Variants in SUCLG2 observed in about 807,000 individuals in gnomAD.
The protein encoded by SUCLG2 is succinate-CoA ligase GDP-forming subunit beta.
In SUCLG2, 42 loss-of-function variants were observed where a neutral mutation model predicts 47.9. The ratio of observed to expected loss-of-function variants is 0.88; its 90% confidence interval spans 0.69 to 1.14. The LOEUF (loss-of-function observed/expected upper bound fraction) is 1.14. SUCLG2 is among the 50% of genes most tolerant of loss of function. The pLI, the probability that SUCLG2 is intolerant of heterozygous loss-of-function variation, is 0.00. For synonymous variants in SUCLG2, 195 were observed against 197.3 expected (o/e 0.99, Z 0.10); for missense variants, 571 against 525.9 (o/e 1.09, Z -0.84).
chr3:67,489,543 C>T (rs1705152220), intron 9 of SUCLG2, among the ~76,000 whole-genome samples: 1 of 152,124 alleles, frequency 6.6e-6, no homozygotes, highest in South Asian at 2.1e-4. Context: ...GAAAAAAATA[C>T]ATATTTTCAA....
chr3:67,490,107 G>A (rs1705168692), intron 9 of SUCLG2, among the ~76,000 whole-genome samples: 1 of 152,128 alleles, frequency 6.6e-6, no homozygotes, highest in Admixed American at 6.6e-5. Context: ...GTTTGGAGCT[G>A]CTCAATCCGT....
At chr3:67,597,190 G>A (rs1404905918) in intron 2 of SUCLG2, among the ~76,000 whole-genome samples, 1 of 152,180 alleles carries the variant, frequency 6.6e-6, no homozygotes, top group South Asian at 2.1e-4. Context: ...TGGACATAAG[G>A]CTGGCAACAG....
At position 67,629,394 on chromosome 3, in the gene SUCLG2, G is replaced by A. The variant is rs566892083; in HGVS notation, c.85-19798C>T. On this transcript the variant is annotated intron_variant, in intron 1 of 10. Coordinates refer to ENST00000307227, the MANE Select transcript of SUCLG2 (RefSeq NM_003848.4). ...ACTGCTCAGGTTCAATAAGTCACTA[G>A]AACAACTCACAGAACTCTAGAGAAT... Among the ~76,000 whole-genome samples the A allele has an allele frequency of 1.0e-3, 156 of 152,200 alleles. 1 individual carries two copies. Among genetic ancestry groups the A allele is most frequent in the Non-Finnish European group, 8.4e-4 (57 of 68,014 alleles).
chr3:67,574,794 A>G (rs1707701422), intron 2 of SUCLG2, among the ~76,000 whole-genome samples: 1 of 152,330 alleles, frequency 6.6e-6, no homozygotes, highest in Non-Finnish European at 1.5e-5. Flanking sequence ...GGGAAAAAGT[A>G]TTTGCAAAAT....
chr3:67,381,460 A>G (rs1045853806), intron 10 of SUCLG2, among the ~76,000 whole-genome samples: 5 of 152,222 alleles, frequency 3.3e-5, no homozygotes, highest in African/African-American at 1.2e-4. Flanking sequence ...AAACTCTGAC[A>G]TGGAATTAAG....
chr3:67,487,497 T>C lies in SUCLG2; in HGVS notation c.1062+8301A>G, dbSNP rs201263866. 7.3e-5 allele frequency among the ~76,000 whole-genome samples: 4 copies of C among 55,074 alleles called. No homozygotes were observed. The South Asian group carries it at 2.8e-3, about 38-fold the overall frequency. The allele number at this position is 55,074 out of a possible 152,430, so 36.1% of individuals were successfully genotyped here. ...CCATTCCCTTGATCTCAAACACACA[T>C]ATACACACACACACACACACAAACA... On this transcript the variant is annotated intron_variant, in intron 9 of 10. Coordinates refer to ENST00000307227, the MANE Select transcript of SUCLG2 (RefSeq NM_003848.4).
At chr3:67,644,989 T>A (rs555048156) in intron 1 of SUCLG2, among the ~76,000 whole-genome samples, 1 of 152,028 alleles carries the variant, frequency 6.6e-6, no homozygotes, top group Non-Finnish European at 1.5e-5. Context: ...CAGGAGGAAA[T>A]AGATTCATCC....
chr3:67,471,705 G>T (rs1021731020), intron 9 of SUCLG2, among the ~76,000 whole-genome samples: 5 of 146,866 alleles, frequency 3.4e-5, no homozygotes, highest in African/African-American at 1.3e-4. Context: ...GGAGAACCTT[G>T]GTCTGTGTTA....
chr3:67,624,830 G>A (rs1261037423), intron 1 of SUCLG2, among the ~76,000 whole-genome samples: 4 of 152,120 alleles, frequency 2.6e-5, no homozygotes, highest in African/African-American at 9.7e-5. Flanking sequence ...CAGAATGCAC[G>A]GTAGTCAAAT....
At chr3:67,489,600 T>C (rs755651285) in intron 9 of SUCLG2, among the ~76,000 whole-genome samples, 50 of 152,224 alleles carry the variant, frequency 3.3e-4, no homozygotes, top group Non-Finnish European at 6.5e-4. Context: ...TCAAAAATAA[T>C]GCTTGTGTTG....
At chr3:67,540,318 G>A (rs559609523) in intron 2 of SUCLG2, among the ~76,000 whole-genome samples, 15 of 151,934 alleles carry the variant, frequency 9.9e-5, no homozygotes, top group African/African-American at 2.7e-4. Flanking sequence ...AATTCACACC[G>A]CCAGCACATC....
intron 9 of SUCLG2, among the ~76,000 whole-genome samples, chr3:67,460,654 CT>C (rs1231160086): frequency 6.6e-6 from 1 of 152,146 alleles, no homozygotes; most frequent in African/African-American, 2.4e-5. Flanking sequence ...CTTTAATTCA[CT>C]GTAATATTGA....
intron 9 of SUCLG2, among the ~76,000 whole-genome samples, chr3:67,487,066 C>T (rs1050414802): frequency 7.9e-5 from 12 of 152,060 alleles, no homozygotes; most frequent in Admixed American, 3.3e-4. Context: ...CAGTGAAATT[C>T]CTCCAACACT....
chr3:67,444,059 T>G (rs1479357934), intron 9 of SUCLG2, among the ~76,000 whole-genome samples: 3 of 79,900 alleles, frequency 3.8e-5, no homozygotes, highest in African/African-American at 4.3e-5. Flanking sequence ...GGGAGGGAGG[T>G]GGAGGGGTCA....
intron 2 of SUCLG2, among the ~76,000 whole-genome samples, chr3:67,582,963 C>T (rs151102217): frequency 6.6e-6 from 1 of 152,310 alleles, no homozygotes; most frequent in East Asian, 1.9e-4. Context: ...TTCCATCAAA[C>T]TTCCATCACC....
At chr3:67,619,467 T>C (rs1700691925) in intron 1 of SUCLG2, among the ~76,000 whole-genome samples, 1 of 152,144 alleles carries the variant, frequency 6.6e-6, no homozygotes, top group African/African-American at 2.4e-5. Flanking sequence ...TGCACAACCA[T>C]GGGCCCTGAG....
chr3:67,443,959 T>TGG (rs1193403291), intron 9 of SUCLG2, among the ~76,000 whole-genome samples: 16 of 61,260 alleles, frequency 2.6e-4, no homozygotes, highest in African/African-American at 7.9e-4. Context: ...GGGAGGGAGG[T>TGG]GGGGGGGGGT....
chr3:67,591,571 T>C (rs564286592), intron 2 of SUCLG2, among the ~76,000 whole-genome samples: 1 of 152,322 alleles, frequency 6.6e-6, no homozygotes, highest in African/African-American at 2.4e-5. Flanking sequence ...ATCAGGGGGT[T>C]CTGCTTTTGC....
At chr3:67,498,420 G>T in intron 7 of SUCLG2, 125 bp from the exon 8 acceptor site, 1 of 1,023,038 alleles carries the variant, frequency 9.8e-7, no homozygotes, top group Non-Finnish European at 1.4e-6. Context: ...CATGTTACAG[G>T]CAGGAGAGGC....
Sources: gnomAD v4.1 joint callset for allele counts (sites outside exome capture counted in the v4.1 genomes callset) on GRCh38, gnomAD v4.1.1 for gene constraint, MANE v1.5 for transcripts, NCBI Gene and HGNC (gene_info 2026-07-23, HGNC 2026-07-21) for gene names.